Variants in DOCK7 observed in about 807,000 individuals in gnomAD.
DOCK7 encodes the protein dedicator of cytokinesis 7, also known as dedicator of cytokinesis protein 7.
Under a neutral mutation model 271.0 loss-of-function variants are expected in DOCK7, and 138 were observed. The observed-to-expected ratio is 0.51, with a 90% CI of 0.44 to 0.59. The LOEUF is 0.59. DOCK7 is among the 20% of genes least tolerant of loss of function. DOCK7 has a pLI of 0.00. For synonymous variants in DOCK7, 823 were observed against 876.1 expected (o/e 0.94, Z 1.07); for missense variants, 2,066 against 2,592.4 (o/e 0.80, Z 4.41).
At chr1:62,646,174 A>AC (rs982643989) in intron 7 of DOCK7, among the ~76,000 whole-genome samples, 1 of 151,872 alleles carries the variant, frequency 6.6e-6, no homozygotes, top group African/African-American at 2.4e-5. Context: ...AAAAACAAAA[A>AC]AAAAACCCAC....
chr1:62,457,498 A>G (rs752376921), intron 49 of DOCK7, 40 bp downstream of exon 49: 18 of 1,584,426 alleles, frequency 1.1e-5, no homozygotes, highest in Non-Finnish European at 1.5e-5. Flanking sequence ...GTTAGGTTTC[A>G]GAGGAAAGAA....
At position 62,515,620 on chromosome 1, in the gene DOCK7, G is replaced by T. The variant is rs185289448; in HGVS notation, c.3937-1722C>A. 8.1e-4 allele frequency among the ~76,000 whole-genome samples: 124 copies of T among 152,256 alleles called. 1 individual carries two copies. In the Middle Eastern group the frequency reaches 0.01, roughly 13 times the overall value. ...GAAGAATTAAGACAAACATGAAAAAGACTCAGTAATGTAAAGATGTCAGTT... is the reference window on the plus strand; with the variant it reads ...GAAGAATTAAGACAAACATGAAAAATACTCAGTAATGTAAAGATGTCAGTT... On this transcript the variant is annotated intron_variant, in intron 31 of 49. Transcript: ENST00000635253.
chr1:62,657,253 T>C (rs1473521285), intron 2 of DOCK7, among the ~76,000 whole-genome samples: 2 of 152,102 alleles, frequency 1.3e-5, no homozygotes, highest in African/African-American at 2.4e-5. Flanking sequence ...CCCAGCTAAA[T>C]AGTGTGGGCT....
At chr1:62,670,094 C>G (rs1242980927) in intron 1 of DOCK7, among the ~76,000 whole-genome samples, 1 of 151,714 alleles carries the variant, frequency 6.6e-6, no homozygotes, top group African/African-American at 2.4e-5. Context: ...GTGCTGCGCT[C>G]GATTTCTCGC....
intron 14 of DOCK7, among the ~76,000 whole-genome samples, chr1:62,591,570 C>G (rs1286763609): frequency 6.6e-6 from 1 of 152,064 alleles, no homozygotes; most frequent in Non-Finnish European, 1.5e-5. Flanking sequence ...AATCTGCTCA[C>G]AAATGTCAAT....
At chr1:62,594,810 T>A (rs756415006) in intron 14 of DOCK7, among the ~76,000 whole-genome samples, 7 of 152,152 alleles carry the variant, frequency 4.6e-5, no homozygotes, top group Non-Finnish European at 8.8e-5. Flanking sequence ...GCTTATAGTG[T>A]AATAGGGGAG....
intron 18 of DOCK7, among the ~76,000 whole-genome samples, chr1:62,573,766 T>C (rs1340868551): frequency 6.6e-6 from 1 of 152,104 alleles, no homozygotes; most frequent in Admixed American, 6.6e-5. Context: ...TTTTTTACCA[T>C]AATATTTTTA....
chr1:62,599,643 A>G (rs915701404), intron 14 of DOCK7, among the ~76,000 whole-genome samples: 1 of 152,108 alleles, frequency 6.6e-6, no homozygotes, highest in Non-Finnish European at 1.5e-5. Context: ...ACTCCAGAAT[A>G]TAGAATACTG....
intron 48 of DOCK7, among the ~76,000 whole-genome samples, chr1:62,473,586 C>T (rs553210567): frequency 1.1e-4 from 16 of 150,872 alleles, no homozygotes; most frequent in East Asian, 3.9e-4. Flanking sequence ...TTTTTGTTTT[C>T]TCTCTCTCTC....
intron 14 of DOCK7, chr1:62,607,987 CAGG>C (rs1651247159): frequency 6.6e-6 from 1 of 152,182 alleles, no homozygotes; most frequent in Non-Finnish European, 1.5e-5. Flanking sequence ...GAGGCTGAGG[CAGG>C]AGAATCGCTG....
intron 4 of DOCK7, among the ~76,000 whole-genome samples, chr1:62,649,826 T>TATGGA (rs1215972691): frequency 6.6e-6 from 1 of 152,176 alleles, no homozygotes; most frequent in Non-Finnish European, 1.5e-5. Flanking sequence ...ATGCTTTCAA[T>TATGGA]ATGGAGCCTT....
chr1:62,589,227 A>G (rs1431103941), intron 14 of DOCK7, among the ~76,000 whole-genome samples: 1 of 152,216 alleles, frequency 6.6e-6, no homozygotes, highest in East Asian at 1.9e-4. Flanking sequence ...CCAGTTTGCA[A>G]AATAATAAAT....
chr1:62,643,137 G>C (rs903232274), intron 7 of DOCK7, among the ~76,000 whole-genome samples: 16 of 152,140 alleles, frequency 1.1e-4, no homozygotes, highest in African/African-American at 3.6e-4. Flanking sequence ...TTGACATTAA[G>C]CCAACTGCCA....
intron 1 of DOCK7, among the ~76,000 whole-genome samples, chr1:62,671,194 C>T (rs1429441068): frequency 4.6e-5 from 7 of 152,138 alleles, no homozygotes; most frequent in South Asian, 2.1e-4. Context: ...ACACTCACTG[C>T]GAGGGTCCAC....
At position 62,648,505 on chromosome 1, in the gene DOCK7, T is replaced by C. The variant is rs766243416; in HGVS notation, c.429A>G (p.Leu143=). The C allele has an allele frequency of 1.8e-5, 26 of 1,471,386 alleles. No individual in the cohort carries two copies. The highest frequency in any genetic ancestry group is 2.2e-5 in the Non-Finnish European group (24 of 1,093,088). The allele number at this position is 1,471,386 out of a possible 1,614,324, so 91.1% of individuals were successfully genotyped here. Residue 143 remains leucine, a synonymous_variant, in exon 5 of 50, where the codon TTA becomes TTG. Transcript: ENST00000635253. ...KLGTGFNPNT[L]DKQKERQKGL... ...CTTTTTGCCTTTCTTTCTGTTTATC[T>C]AATGTATTGGGATTAAATCCTGTTC...
intron 8 of DOCK7, chr1:62,635,734 C>T (rs950961581): frequency 2.0e-5 from 3 of 152,110 alleles, no homozygotes; most frequent in African/African-American, 4.8e-5. Context: ...ACTGAAGGCA[C>T]TTCAAGTTTC....
intron 1 of DOCK7, among the ~76,000 whole-genome samples, chr1:62,665,649 G>A (rs867012085): frequency 2.2e-5 from 3 of 136,718 alleles, no homozygotes; most frequent in African/African-American, 5.5e-5. Context: ...GCGGTGAGCC[G>A]AGATCACGTC....
At chr1:62,477,617 T>C in intron 44 of DOCK7, 83 bp downstream of exon 44, 1 of 1,396,786 alleles carries the variant, frequency 7.2e-7, no homozygotes, top group Non-Finnish European at 9.4e-7. Context: ...GCTTACTAAA[T>C]GATTAGATCT....
chr1:62,667,661 G>A (rs1215109515), intron 1 of DOCK7, among the ~76,000 whole-genome samples: 1 of 152,142 alleles, frequency 6.6e-6, no homozygotes, highest in African/African-American at 2.4e-5. Context: ...AGGTTGCAGT[G>A]AGCCTAGATC....
Sources: allele counts gnomAD v4.1 joint callset (sites outside exome capture counted in the v4.1 genomes callset), GRCh38; gene constraint gnomAD v4.1.1; transcripts MANE v1.5; gene names NCBI Gene and HGNC (gene_info 2026-07-23, HGNC 2026-07-21).